Variants in RORA observed in about 807,000 individuals in gnomAD.
The protein encoded by RORA is nuclear receptor ROR-alpha.
In RORA, 7 loss-of-function variants were observed where a neutral mutation model predicts 69.5. The ratio of observed to expected loss-of-function variants is 0.10; its 90% confidence interval spans 0.06 to 0.19. The LOEUF (loss-of-function observed/expected upper bound fraction) is 0.19, where lower values mean the gene tolerates loss of function less well. Ranked by LOEUF, RORA falls within the 10% of genes least tolerant of loss-of-function variation. The pLI, the probability that RORA is intolerant of heterozygous loss-of-function variation, is 1.00. For synonymous variants in RORA, 261 were observed against 240.8 expected (o/e 1.08, Z -0.78); for missense variants, 457 against 663.0 (o/e 0.69, Z 3.41).
At chr15:60,558,372 C>CT (rs1240464952) in intron 2 of RORA, 1 of 1,008,826 alleles carries the variant, frequency 9.9e-7, no homozygotes, top group African/African-American at 1.6e-5. Context: ...TGGCCACTGC[C>CT]TTGTTTATTA....
At chr15:60,630,815 C>A (rs1036547736) in intron 2 of RORA, among the ~76,000 whole-genome samples, 3 of 151,858 alleles carry the variant, frequency 2.0e-5, no homozygotes, top group African/African-American at 7.3e-5. Context: ...AAGGAGGAAA[C>A]TGATGGGCAG....
rs1036700439 is a variant in RORA at position 60,537,803 on chromosome 15, A to G, written c.197-5952T>C. 3.3e-5 allele frequency among the ~76,000 whole-genome samples: 5 copies of G among 152,178 alleles called. No homozygotes were observed. Among genetic ancestry groups the G allele is most frequent in the African/African-American group, 1.2e-4 (5 of 41,420 alleles). ...TCTCTTGATTTTGGATTCTTTCATG[A>G]CAGTATTTCATCCTTGCTGAACCTC... On this transcript the variant is annotated intron_variant, in intron 2 of 10. Coordinates refer to ENST00000335670, the MANE Select transcript of RORA (RefSeq NM_134261.3). This position sits in a 1 kb window ranked among gnomAD's most constrained non-coding sequence, Gnocchi z 4.9.
rs1428559866 is a variant in RORA, at chr15:60,495,831, C to A, written c.*1624G>T. Reference sequence around the variant, plus strand: ...TGCACATCTGTTTATCAGACTATTCCTTTCCCCTTCCCCCACTAGGGATCA... The same window carrying A: ...TGCACATCTGTTTATCAGACTATTCATTTCCCCTTCCCCCACTAGGGATCA... On this transcript the variant is annotated 3_prime_UTR_variant, in exon 11 of 11. Coordinates refer to ENST00000335670, the MANE Select transcript of RORA (RefSeq NM_134261.3). 6.9e-6 allele frequency: 1 copy of A among 145,248 alleles called. No individual in the cohort carries two copies. The highest frequency in any genetic ancestry group is 2.0e-4 in the East Asian group (1 of 4,884). 9.0% of individuals were successfully genotyped at this position (145,248 alleles called of 1,614,324 possible).
intron 1 of RORA, among the ~76,000 whole-genome samples, chr15:61,104,148 T>G (rs1304220001): frequency 6.6e-6 from 1 of 152,202 alleles, no homozygotes; most frequent in Non-Finnish European, 1.5e-5. Context: ...GCTTCCTCAT[T>G]GCAAAACCAG....
intron 1 of RORA, among the ~76,000 whole-genome samples, chr15:60,890,347 C>G (rs1158516292): frequency 6.6e-6 from 1 of 152,170 alleles, no homozygotes; most frequent in Non-Finnish European, 1.5e-5. Context: ...CAGACCACAC[C>G]AACTCCCCTC....
At chr15:60,634,798 TTC>T (rs1249919196) in intron 2 of RORA, among the ~76,000 whole-genome samples, 1 of 152,200 alleles carries the variant, frequency 6.6e-6, no homozygotes, top group Admixed American at 6.5e-5. Context: ...TTGTTTTCAT[TTC>T]TCTCTCTTTG....
chr15:60,709,765 A>G (rs1176326549), intron 1 of RORA, among the ~76,000 whole-genome samples: 1 of 152,044 alleles, frequency 6.6e-6, no homozygotes, highest in African/African-American at 2.4e-5. Context: ...TTATTTCATT[A>G]TATATTACAA....
intron 1 of RORA, among the ~76,000 whole-genome samples, chr15:61,018,484 C>T (rs542541588): frequency 5.3e-5 from 8 of 152,128 alleles, no homozygotes; most frequent in Non-Finnish European, 1.0e-4. Flanking sequence ...ATTGTGAGGG[C>T]GTGTGGGAGC....
At chr15:60,585,153 G>A (rs1025969306) in intron 2 of RORA, among the ~76,000 whole-genome samples, 2 of 151,996 alleles carry the variant, frequency 1.3e-5, no homozygotes, top group Admixed American at 6.5e-5. Context: ...GTAGCACCAG[G>A]AACAAATAAC....
chr15:60,719,685 C>T (rs935884931), intron 1 of RORA, among the ~76,000 whole-genome samples: 2 of 152,198 alleles, frequency 1.3e-5, no homozygotes, highest in Non-Finnish European at 2.9e-5. Context: ...CCTGCTGCTG[C>T]TCCACAGAAC....
intron 1 of RORA, among the ~76,000 whole-genome samples, chr15:60,810,968 T>G (rs1031940666): frequency 6.6e-6 from 1 of 152,236 alleles, no homozygotes; most frequent in Admixed American, 6.5e-5. Context: ...TTATTCCTCT[T>G]AGACTAGTCA....
chr15:61,049,785 G>A (rs969091211), intron 1 of RORA, among the ~76,000 whole-genome samples: 1 of 152,014 alleles, frequency 6.6e-6, no homozygotes, highest in Admixed American at 6.6e-5. Context: ...TCAGCCTCCT[G>A]AGTCGCTGGG....
intron 1 of RORA, among the ~76,000 whole-genome samples, chr15:60,984,520 A>G (rs1894139503): frequency 6.6e-6 from 1 of 151,954 alleles, no homozygotes; most frequent in Admixed American, 6.6e-5. Flanking sequence ...GGACACATAA[A>G]TACACACTAT....
chr15:60,555,869 C>G (rs1393095706), intron 2 of RORA, among the ~76,000 whole-genome samples: 1 of 152,000 alleles, frequency 6.6e-6, no homozygotes, highest in African/African-American at 2.4e-5. Flanking sequence ...AAAAGATAAC[C>G]CACTTCTCCC....
rs551447838 is a variant in RORA at position 60,960,000 on chromosome 15, G to T, written c.166+269053C>A. 4.6e-5 allele frequency among the ~76,000 whole-genome samples: 7 copies of T among 152,234 alleles called. No individual in the cohort carries two copies. The East Asian group carries it at 7.7e-4, about 17-fold the overall frequency. On this transcript the variant is annotated intron_variant, in intron 1 of 10. Transcript: ENST00000335670. The stretch of plus-strand genomic sequence containing the variant: ...TCTATACTTCCCTATAGCCAGTATA[G>T]ATTGTAAAACTTTCCTTTGAAACCC...
At chr15:60,892,948 A>C (rs542444479) in intron 1 of RORA, among the ~76,000 whole-genome samples, 1 of 152,320 alleles carries the variant, frequency 6.6e-6, no homozygotes, top group Admixed American at 6.5e-5. Context: ...AATGGTGAGA[A>C]ACACATAACA....
chr15:60,592,679 C>A, intron 2 of RORA: 1 of 1,060,402 alleles, frequency 9.4e-7, no homozygotes, highest in Non-Finnish European at 1.1e-6. Flanking sequence ...CCCAGCGCCG[C>A]GCCCCGCCCC....
intron 1 of RORA, among the ~76,000 whole-genome samples, chr15:61,138,376 G>T (rs574178697): frequency 6.6e-6 from 1 of 152,132 alleles, no homozygotes; most frequent in Non-Finnish European, 1.5e-5. Context: ...GCTGAATGAT[G>T]TATGAACAAA....
At chr15:60,916,054 G>C (rs1456053596) in intron 1 of RORA, among the ~76,000 whole-genome samples, 5 of 152,164 alleles carry the variant, frequency 3.3e-5, no homozygotes, top group African/African-American at 4.8e-5. Context: ...ATCTCAAATT[G>C]ACTGGAAGGA....
Sources: gnomAD v4.1 joint callset for allele counts (sites outside exome capture counted in the v4.1 genomes callset) on GRCh38, gnomAD v4.1.1 for gene constraint, Gnocchi (gnomAD v3.1) non-coding constraint, MANE v1.5 for transcripts, NCBI Gene and HGNC (gene_info 2026-07-23, HGNC 2026-07-21) for gene names.